The following DPYD variants were observed in gnomAD, a reference collection of about 807,000 sequenced individuals.
DPYD encodes the protein dihydropyrimidine dehydrogenase [NADP(+)].
A neutral mutation model predicts 116.2 loss-of-function variants in DPYD; 109 were observed. The observed-to-expected ratio is 0.94, with a 90% CI of 0.80 to 1.10. DPYD has a LOEUF of 1.10. DPYD is among the 50% of genes least tolerant of loss of function. The pLI is 0.00. For synonymous variants in DPYD, 440 were observed against 432.0 expected (o/e 1.02, Z -0.23); for missense variants, 1,302 against 1,254.5 (o/e 1.04, Z -0.57).
intron 16 of DPYD, among the ~76,000 whole-genome samples, chr1:97,364,382 A>G (rs1670914152): frequency 6.6e-6 from 1 of 152,204 alleles, no homozygotes; most frequent in South Asian, 2.1e-4. Flanking sequence ...TAGACCCAGT[A>G]GCAACAAATA....
intron 3 of DPYD, among the ~76,000 whole-genome samples, chr1:97,755,074 CA>C (rs1019739090): frequency 1.3e-5 from 2 of 152,144 alleles, no homozygotes; most frequent in Non-Finnish European, 2.9e-5. Context: ...ATAGAGGTTG[CA>C]GGACAATTCT....
chr1:97,465,943 C>T (rs1677298757), intron 13 of DPYD, among the ~76,000 whole-genome samples: 1 of 152,066 alleles, frequency 6.6e-6, no homozygotes, highest in African/African-American at 2.4e-5. Context: ...AACCTTGTCT[C>T]TACAAAAATT....
At chr1:97,091,231 G>A (rs1346201935) in intron 21 of DPYD, among the ~76,000 whole-genome samples, 1 of 152,148 alleles carries the variant, frequency 6.6e-6, no homozygotes, top group East Asian at 1.9e-4. Flanking sequence ...GTGTCATGGA[G>A]TTTAAACTAT....
At chr1:97,549,521 T>C (rs749047286) in intron 12 of DPYD, 39 bp downstream of exon 12, 106 of 1,602,944 alleles carry the variant, frequency 6.6e-5, no homozygotes, top group Non-Finnish European at 8.5e-5. Flanking sequence ...CACTTATCCA[T>C]TGGAAAAGAA....
At chr1:97,437,228 T>G (rs1675519753) in intron 14 of DPYD, among the ~76,000 whole-genome samples, 1 of 151,650 alleles carries the variant, frequency 6.6e-6, no homozygotes, top group Non-Finnish European at 1.5e-5. Flanking sequence ...TGATTTACTT[T>G]GTGTCACTAC....
intron 20 of DPYD, among the ~76,000 whole-genome samples, chr1:97,147,706 T>C (rs1477572818): frequency 6.6e-6 from 1 of 152,170 alleles, no homozygotes; most frequent in Admixed American, 6.5e-5. Flanking sequence ...TTTCTCAAGT[T>C]GTATAAAATC....
At chr1:97,165,773 A>G (rs1656277229) in intron 20 of DPYD, among the ~76,000 whole-genome samples, 1 of 152,190 alleles carries the variant, frequency 6.6e-6, no homozygotes, top group Non-Finnish European at 1.5e-5. Context: ...ATGAACAAAC[A>G]CTTCACAAAA....
chr1:97,290,589 G>A (rs1666074418), intron 18 of DPYD, among the ~76,000 whole-genome samples: 2 of 152,104 alleles, frequency 1.3e-5, no homozygotes, highest in African/African-American at 4.8e-5. Context: ...ATAGGGAAAG[G>A]ATTCCCTATT....
At chr1:97,848,387 C>A (rs954307302) in intron 2 of DPYD, among the ~76,000 whole-genome samples, 1 of 152,170 alleles carries the variant, frequency 6.6e-6, no homozygotes, top group Non-Finnish European at 1.5e-5. Flanking sequence ...TGCACAAATA[C>A]CACTTCTATT....
At chr1:97,506,125 G>A (rs909976240) in intron 13 of DPYD, among the ~76,000 whole-genome samples, 4 of 151,908 alleles carry the variant, frequency 2.6e-5, no homozygotes, top group African/African-American at 4.8e-5. Context: ...AGCATACAGC[G>A]AACTGTAATT....
intron 15 of DPYD, among the ~76,000 whole-genome samples, chr1:97,374,605 G>A (rs1671495590): frequency 6.7e-6 from 1 of 150,094 alleles, no homozygotes; most frequent in African/African-American, 2.5e-5. Flanking sequence ...TGTAGTCCCA[G>A]CTACTCAGGA....
intron 20 of DPYD, among the ~76,000 whole-genome samples, chr1:97,183,410 G>A (rs1000314002): frequency 2.6e-5 from 4 of 152,018 alleles, no homozygotes; most frequent in Non-Finnish European, 4.4e-5. Context: ...AATCAATTGA[G>A]TGTATATGTG....
At chr1:97,234,034 G>A (rs886672481) in intron 19 of DPYD, among the ~76,000 whole-genome samples, 3 of 152,158 alleles carry the variant, frequency 2.0e-5, no homozygotes, top group East Asian at 3.9e-4. Context: ...AATATGTGAT[G>A]CCAAACTTTC....
At chr1:97,101,036 T>C (rs1650643973) in intron 20 of DPYD, among the ~76,000 whole-genome samples, 2 of 152,000 alleles carry the variant, frequency 1.3e-5, no homozygotes, top group Admixed American at 1.3e-4. Flanking sequence ...ATTTTCTTTG[T>C]GCATTGGTTA....
At chr1:97,101,835 G>A (rs1650710854) in intron 20 of DPYD, among the ~76,000 whole-genome samples, 1 of 152,000 alleles carries the variant, frequency 6.6e-6, no homozygotes, top group South Asian at 2.1e-4. Flanking sequence ...TGTAACTGAT[G>A]AACTGAACAA....
intron 3 of DPYD, among the ~76,000 whole-genome samples, chr1:97,791,979 A>C (rs1667342771): frequency 6.6e-6 from 1 of 152,182 alleles, no homozygotes; most frequent in African/African-American, 2.4e-5. Context: ...TGAGTTTGAG[A>C]AACCAATTAC....
At chr1:97,195,962 C>T (rs1298578278) in intron 19 of DPYD, among the ~76,000 whole-genome samples, 2 of 151,510 alleles carry the variant, frequency 1.3e-5, no homozygotes, top group South Asian at 2.1e-4. Flanking sequence ...GAGTAGATGC[C>T]GGTTTTTTTG....
intron 3 of DPYD, among the ~76,000 whole-genome samples, chr1:97,754,936 T>C (rs1376649770): frequency 6.6e-6 from 1 of 152,226 alleles, no homozygotes; most frequent in South Asian, 2.1e-4. Context: ...AATGAGGTAT[T>C]TATTTGTTTC....
At chr1:97,546,984 T>C (rs201626696) in intron 12 of DPYD, 35 of 1,598,124 alleles carry the variant, frequency 2.2e-5, no homozygotes, top group Middle Eastern at 2.2e-4. Context: ...GAATGGACCA[T>C]AGTGTTTGCA....
Sources: allele counts gnomAD v4.1 joint callset (sites outside exome capture counted in the v4.1 genomes callset), GRCh38; gene constraint gnomAD v4.1.1; transcripts MANE v1.5; gene names NCBI Gene and HGNC (gene_info 2026-07-23, HGNC 2026-07-21).